AMPH: variants seen among roughly 807,000 people sequenced by gnomAD.
AMPH encodes amphiphysin, also known as amphiphysin (Stiff-Mann syndrome with breast cancer 128kD autoantigen).
In AMPH, 49 loss-of-function variants were observed where a neutral mutation model predicts 99.1. The ratio of observed to expected loss-of-function variants is 0.49; its 90% CI spans 0.39 to 0.63. AMPH has a LOEUF of 0.63. Ranked by LOEUF, AMPH falls within the 20% of genes least tolerant of loss-of-function variation. The pLI, the probability that AMPH is intolerant of heterozygous loss-of-function variation, is 0.00. For synonymous variants in AMPH, 314 were observed against 317.3 expected (o/e 0.99, Z 0.11); for missense variants, 759 against 863.4 (o/e 0.88, Z 1.52).
chr7:38,416,791 C>T (rs1004245438), intron 17 of AMPH, among the ~76,000 whole-genome samples: 3 of 152,132 alleles, frequency 2.0e-5, no homozygotes, highest in African/African-American at 7.2e-5. Context: ...GTCTAAAGTC[C>T]CTGCAAGCAA....
intron 3 of AMPH, among the ~76,000 whole-genome samples, chr7:38,498,038 G>T (rs545584855): frequency 2.0e-5 from 3 of 152,314 alleles, no homozygotes; most frequent in East Asian, 3.9e-4. Flanking sequence ...CCACTTGGAT[G>T]TCTTACTAAT....
At chr7:38,602,227 C>T (rs891338726) in intron 1 of AMPH, among the ~76,000 whole-genome samples, 6 of 152,200 alleles carry the variant, frequency 3.9e-5, no homozygotes, top group African/African-American at 1.2e-4. Flanking sequence ...GACCACCTGG[C>T]AGCCCTCTCT....
chr7:38,461,091 A>T (rs1247597967), intron 11 of AMPH, among the ~76,000 whole-genome samples, 192 bp downstream of exon 11: 2 of 152,246 alleles, frequency 1.3e-5, no homozygotes, highest in Non-Finnish European at 2.9e-5. Flanking sequence ...ATTAAAAAAA[A>T]GATAATTTTC....
At chr7:38,474,251 T>G (rs1194008700) in intron 7 of AMPH, among the ~76,000 whole-genome samples, 3 of 150,868 alleles carry the variant, frequency 2.0e-5, no homozygotes, top group African/African-American at 7.3e-5. Context: ...ACCAAAAAAA[T>G]AAAATAAAAT....
intron 2 of AMPH, among the ~76,000 whole-genome samples, chr7:38,528,884 T>G (rs1309715022): frequency 2.0e-5 from 3 of 152,162 alleles, no homozygotes; most frequent in Non-Finnish European, 4.4e-5. Context: ...CAGCATTGCC[T>G]CGGCTGCTTC....
At chr7:38,619,401 G>A (rs1793980502) in intron 1 of AMPH, among the ~76,000 whole-genome samples, 1 of 152,096 alleles carries the variant, frequency 6.6e-6, no homozygotes, top group South Asian at 2.1e-4. Context: ...AATACATGAA[G>A]GATAAACTGA....
chr7:38,466,104 T>C, intron 8 of AMPH, 69 bp downstream of exon 8: 1 of 1,260,432 alleles, frequency 7.9e-7, no homozygotes, highest in Non-Finnish European at 1.1e-6. Flanking sequence ...CTATCCCATT[T>C]CATTTGCTTC....
chr7:38,405,919 A>G (rs1325524815), intron 17 of AMPH, among the ~76,000 whole-genome samples: 1 of 152,198 alleles, frequency 6.6e-6, no homozygotes, highest in Non-Finnish European at 1.5e-5. Context: ...CAGAATATAC[A>G]ATCTTTTATC....
chr7:38,527,266 T>A (rs1206868533), intron 2 of AMPH, among the ~76,000 whole-genome samples: 2 of 152,236 alleles, frequency 1.3e-5, no homozygotes, highest in African/African-American at 4.8e-5. Flanking sequence ...AATTTTAGAA[T>A]AAGTTTATCT....
chr7:38,624,136 G>A (rs1429826236), intron 1 of AMPH, among the ~76,000 whole-genome samples: 1 of 152,156 alleles, frequency 6.6e-6, no homozygotes, highest in Non-Finnish European at 1.5e-5. Context: ...GCAGGAGTGG[G>A]AGGTTAACAA....
intron 1 of AMPH, among the ~76,000 whole-genome samples, chr7:38,599,699 T>C (rs1014376657): frequency 2.5e-4 from 38 of 152,134 alleles, no homozygotes; most frequent in Non-Finnish European, 3.2e-4. Flanking sequence ...TAAATTGCTA[T>C]GTTCTTATAC....
chr7:38,593,187 C>A (rs1262130412), intron 1 of AMPH, among the ~76,000 whole-genome samples: 1 of 152,110 alleles, frequency 6.6e-6, no homozygotes, highest in African/African-American at 2.4e-5. Flanking sequence ...AGGCAAGAAA[C>A]CATAAAGCAT....
chr7:38,484,766 C>T (rs79822645), intron 5 of AMPH, among the ~76,000 whole-genome samples: 1,707 of 151,776 alleles, frequency 0.011, 61 homozygotes, highest in South Asian at 0.11. Context: ...AAGACAAAAA[C>T]GCTAAGCATA....
At position 38,604,349 on chromosome 7, in the gene AMPH, G is replaced by A. The variant is rs1456358538; in HGVS notation, c.69+26934C>T. Among the ~76,000 whole-genome samples, 4 of 152,218 alleles carry A rather than the reference G, an allele frequency of 2.6e-5. No individual in the cohort carries two copies. In the East Asian group the frequency reaches 7.7e-4, roughly 29 times the overall value. On this transcript the variant is annotated intron_variant, in intron 1 of 20. Transcript: ENST00000356264. ...AGATTGCAACAAGAGCAAAGGACAA[G>A]GTGATAAACCCTCCTATCCCCCAGC...
rs368471695 is a variant in AMPH, at chr7:38,490,999, A to C, written c.396+51T>G. On this transcript the variant is annotated intron_variant, in intron 5 of 20. Coordinates refer to ENST00000356264, the MANE Select transcript of AMPH (RefSeq NM_001635.4). ...ATTCTTCTCTTGCCCATGTTTCAAT[A>C]ACTACATGACCCCACTCAATCCTTC... 3.4e-6 allele frequency: 4 copies of C among 1,186,544 alleles called. No homozygotes were observed. In the African/African-American group the frequency reaches 6.1e-5, roughly 18 times the overall value. The allele number at this position is 1,186,544 out of a possible 1,614,324, so 73.5% of individuals were successfully genotyped here.
At chr7:38,390,322 ACT>A (rs1428651261) in intron 19 of AMPH, among the ~76,000 whole-genome samples, 19 of 151,962 alleles carry the variant, frequency 1.3e-4, no homozygotes, top group Admixed American at 1.2e-3. Context: ...ACTAAATAAA[ACT>A]CTGTGATCAA....
intron 1 of AMPH, among the ~76,000 whole-genome samples, chr7:38,624,669 A>C (rs939856136): frequency 6.6e-6 from 1 of 151,772 alleles, no homozygotes; most frequent in Non-Finnish European, 1.5e-5. Flanking sequence ...GATGGGCAAA[A>C]AAATAAATAA....
rs1247118607 is a variant in AMPH at position 38,571,031 on chromosome 7, A to AAT, written c.70-36022_70-36021dup. The stretch of plus-strand genomic sequence containing the variant: ...ATAGAATATATATATTCATATATTG[A>AAT]ATATATATAGAATATATATATTCAT... On this transcript the variant is annotated intron_variant, in intron 1 of 20. Coordinates refer to ENST00000356264, the MANE Select transcript of AMPH (RefSeq NM_001635.4). Among the ~76,000 whole-genome samples the AAT allele has an allele frequency of 1.4e-4, 2 of 13,852 alleles. 1 individual carries two copies. The highest frequency in any genetic ancestry group is 3.8e-4 in the Non-Finnish European group (2 of 5,226). 9.1% of individuals were successfully genotyped at this position (13,852 alleles called of 152,430 possible). A position where few individuals can be genotyped will look rare whatever the true frequency, so the allele number is the denominator to read the frequency against.
At chr7:38,551,948 T>C (rs1791196131) in intron 1 of AMPH, among the ~76,000 whole-genome samples, 1 of 152,222 alleles carries the variant, frequency 6.6e-6, no homozygotes, top group South Asian at 2.1e-4. Flanking sequence ...GGAGTGGACA[T>C]ACACTGTCCT....
Sources: allele counts gnomAD v4.1 joint callset (sites outside exome capture counted in the v4.1 genomes callset), GRCh38; gene constraint gnomAD v4.1.1; transcripts MANE v1.5; gene names NCBI Gene and HGNC (gene_info 2026-07-23, HGNC 2026-07-21).